The following UGGT2 variants were observed in gnomAD, a reference collection of about 807,000 sequenced individuals.
UGGT2 encodes the protein UDP-glucose glycoprotein glucosyltransferase 2.
In UGGT2, 180 loss-of-function variants were observed where a neutral mutation model predicts 192.1. That is an observed-to-expected ratio of 0.94 (90% CI 0.83 to 1.06). The LOEUF (loss-of-function observed/expected upper bound fraction) is 1.06. Ranked by LOEUF, UGGT2 falls within the 50% of genes least tolerant of loss-of-function variation. The pLI, the probability that UGGT2 is intolerant of heterozygous loss-of-function variation, is 0.00. For missense variants in UGGT2, 1,849 were observed against 1,795.7 expected (o/e 1.03, Z -0.54); for synonymous variants, 580 against 591.0 (o/e 0.98, Z 0.27).
intron 2 of UGGT2, among the ~76,000 whole-genome samples, chr13:96,026,567 T>C (rs1379457238): frequency 6.6e-6 from 1 of 151,448 alleles, no homozygotes; most frequent in Admixed American, 6.6e-5. Flanking sequence ...ATAAATATTA[T>C]AAATAAGTTT....
At chr13:95,977,880 A>C (rs1045718224) in intron 10 of UGGT2, among the ~76,000 whole-genome samples, 2 of 152,222 alleles carry the variant, frequency 1.3e-5, no homozygotes, top group Non-Finnish European at 2.9e-5. Context: ...GAATGAGTTC[A>C]TGTCCTTTGC....
chr13:95,895,274 C>T lies in UGGT2; in HGVS notation c.2665G>A (p.Ala889Thr). The T allele has an allele frequency of 3.9e-6, 6 of 1,526,536 alleles. No homozygotes were observed. The South Asian group carries it at 7.2e-5, about 18-fold the overall frequency. The allele number at this position is 1,526,536 out of a possible 1,614,324, so 94.6% of individuals were successfully genotyped here. The stretch of plus-strand genomic sequence containing the variant: ...TTTTCCAACAAGTAAAAATCTTCTG[C>T]ATAAAAATCTTCATCTAAAGGTCCT... ...FLGPLDEDFYAEDFYLLEKIT... is the reference protein window; with the variant it reads ...FLGPLDEDFYTEDFYLLEKIT... Residue 889 changes from alanine to threonine, a missense_variant, in exon 23 of 39, where the codon GCA (alanine) becomes ACA (threonine). By Grantham distance (58) the Ala-to-Thr change is moderately conservative. Transcript: ENST00000376747.
chr13:95,972,430 C>T, intron 11 of UGGT2, 150 bp downstream of exon 11: 1 of 698,892 alleles, frequency 1.4e-6, no homozygotes, highest in Non-Finnish European at 2.3e-6. Flanking sequence ...TTTGGGCTTG[C>T]CCATTTTGGT....
chr13:95,900,688 G>T, intron 22 of UGGT2, 119 bp downstream of exon 22: 1 of 1,104,278 alleles, frequency 9.1e-7, no homozygotes, highest in Non-Finnish European at 1.2e-6. Context: ...GGTGTCTTCA[G>T]CTCATGAACA....
At chr13:95,974,337 C>G (rs1049412021) in intron 10 of UGGT2, among the ~76,000 whole-genome samples, 1 of 152,170 alleles carries the variant, frequency 6.6e-6, no homozygotes, top group Non-Finnish European at 1.5e-5. Context: ...CTGTTTTCCC[C>G]CAATCTGGCA....
chr13:95,933,539 T>G (rs956656793), intron 17 of UGGT2, among the ~76,000 whole-genome samples: 8 of 152,212 alleles, frequency 5.3e-5, no homozygotes, highest in Non-Finnish European at 1.2e-4. Context: ...TATAAATTTT[T>G]GGGTCTCAAT....
chr13:96,023,117 A>T lies in UGGT2; in HGVS notation c.408T>A (p.Asn136Lys). 6.3e-7 allele frequency: 1 copy of T among 1,596,242 alleles called. No homozygotes were observed. ...GCTTCTTATGAATAACCACAAATGC[A>T]TTACAACCATCTGGTGGTGGCTCAT... ...AADEPPPDGC[N>K]AFVVIHKKHT... is the part of the protein sequence containing the mutation. Residue 136 changes from asparagine (N) to lysine (K), a missense_variant, in exon 4 of 39, where the codon AAT becomes AAA. Transcript: ENST00000376747.
intron 16 of UGGT2, among the ~76,000 whole-genome samples, 153 bp from the exon 17 acceptor site, chr13:95,937,241 G>T (rs1443900324): frequency 3.9e-5 from 6 of 152,130 alleles, no homozygotes. Context: ...TTGCCTAAAG[G>T]AAAGTAATTT....
At chr13:95,878,693 C>T (rs2047410687) in intron 27 of UGGT2, among the ~76,000 whole-genome samples, 1 of 152,160 alleles carries the variant, frequency 6.6e-6, no homozygotes. Context: ...TTACCTATAT[C>T]TAATCTTATT....
At chr13:95,837,041 C>G (rs544799984) in intron 37 of UGGT2, 45 bp downstream of exon 37, 1 of 1,362,722 alleles carries the variant, frequency 7.3e-7, no homozygotes, top group South Asian at 1.2e-5. Context: ...TCTATTTAAA[C>G]ATTTCTGTAT....
chr13:95,812,229 T>G (rs1884620289), intron 38 of UGGT2, among the ~76,000 whole-genome samples: 1 of 152,204 alleles, frequency 6.6e-6, no homozygotes, highest in African/African-American at 2.4e-5. Flanking sequence ...GGATATAATT[T>G]TCATGTACCA....
rs112866830 is a variant in UGGT2 at position 96,044,570 on chromosome 13, C to A, written c.158+8585G>T. Among the ~76,000 whole-genome samples the A allele has an allele frequency of 9.6e-3, 1,455 of 152,126 alleles. 19 individuals carry two copies. The highest frequency in any genetic ancestry group is 0.033 in the African/African-American group (1,360 of 41,522). On this transcript the variant is annotated intron_variant, in intron 1 of 38. Coordinates refer to ENST00000376747, the MANE Select transcript of UGGT2 (RefSeq NM_020121.4). ...AGATAAATGAAACAAAAAGCTAGTT[C>A]TTTGAAAAGATAACATAAATAGACC...
intron 24 of UGGT2, among the ~76,000 whole-genome samples, chr13:95,892,507 G>GA (rs1456630131): frequency 6.6e-6 from 1 of 151,170 alleles, no homozygotes; most frequent in African/African-American, 2.4e-5. Flanking sequence ...GTCCATGTCA[G>GA]AAAAAAAAGG....
At chr13:96,023,812 T>C (rs1355594054) in intron 2 of UGGT2, 53 bp from the exon 3 acceptor site, 5 of 1,390,632 alleles carry the variant, frequency 3.6e-6, no homozygotes, top group East Asian at 2.4e-5. Flanking sequence ...ACACTGCACA[T>C]TGGCACATCT....
At chr13:95,910,048 T>G (rs1215087652) in intron 20 of UGGT2, among the ~76,000 whole-genome samples, 1 of 152,186 alleles carries the variant, frequency 6.6e-6, no homozygotes, top group East Asian at 1.9e-4. Flanking sequence ...TGCTGAGAGA[T>G]TCTGTCACCA....
chr13:95,852,819 G>A (rs1293692502), intron 36 of UGGT2, among the ~76,000 whole-genome samples: 1 of 152,106 alleles, frequency 6.6e-6, no homozygotes, highest in Non-Finnish European at 1.5e-5. Flanking sequence ...TCAGGGTGGG[G>A]GTGCACTGGA....
intron 9 of UGGT2, 43 bp downstream of exon 9, chr13:95,986,290 G>T: frequency 7.6e-7 from 1 of 1,315,614 alleles, no homozygotes; most frequent in East Asian, 2.3e-5. Flanking sequence ...TCATTTAATA[G>T]AAAGAGTTAT....
chr13:95,948,328 A>G (rs545141368), intron 13 of UGGT2, among the ~76,000 whole-genome samples: 1 of 152,198 alleles, frequency 6.6e-6, no homozygotes, highest in African/African-American at 2.4e-5. Context: ...GGAATTTAAC[A>G]TCAGGCTACT....
chr13:96,029,949 AT>A (rs750690785), intron 2 of UGGT2, among the ~76,000 whole-genome samples: 6 of 152,306 alleles, frequency 3.9e-5, no homozygotes, highest in Non-Finnish European at 5.9e-5. Flanking sequence ...ACTATCTTGG[AT>A]ACTTGACATT....
Sources: gnomAD v4.1 joint callset for allele counts (sites outside exome capture counted in the v4.1 genomes callset) on GRCh38, gnomAD v4.1.1 for gene constraint, MANE v1.5 for transcripts, NCBI Gene and HGNC (gene_info 2026-07-23, HGNC 2026-07-21) for gene names.